Variants in LIMCH1 observed in about 807,000 individuals in gnomAD.
LIMCH1 encodes LIM and calponin homology domains-containing protein 1.
Under a neutral mutation model 176.5 loss-of-function variants are expected in LIMCH1, and 113 were observed. The observed-to-expected ratio is 0.64, with a 90% CI of 0.55 to 0.75. The LOEUF (loss-of-function observed/expected upper bound fraction) is 0.75, where lower values mean the gene tolerates loss of function less well. LIMCH1 is among the 30% of genes least tolerant of loss of function. The pLI is 0.00. For synonymous variants in LIMCH1, 619 were observed against 645.9 expected (o/e 0.96, Z 0.63); for missense variants, 1,674 against 1,814.9 (o/e 0.92, Z 1.41).
chr4:41,388,816 T>TATTTTTATATATA (rs1293475298), intron 1 of LIMCH1, among the ~76,000 whole-genome samples: 1 of 152,166 alleles, frequency 6.6e-6, no homozygotes, highest in Non-Finnish European at 1.5e-5. Flanking sequence ...CTAATTTTTA[T>TATTTTTATATATA]ATTTTTAATA....
At chr4:41,533,243 T>G (rs1263530569), upstream of LIMCH1, among the ~76,000 whole-genome samples, 1 of 152,162 alleles carries the variant, frequency 6.6e-6, no homozygotes, top group Non-Finnish European at 1.5e-5. Flanking sequence ...ATCTCTGAAG[T>G]GATGTTTTGT....
intron 1 of LIMCH1, among the ~76,000 whole-genome samples, chr4:41,420,906 G>A (rs1259515444): frequency 6.6e-6 from 1 of 152,206 alleles, no homozygotes; most frequent in Non-Finnish European, 1.5e-5. Flanking sequence ...CTTCTTACTA[G>A]TTGGTAATTG....
intron 1 of LIMCH1, among the ~76,000 whole-genome samples, chr4:41,375,696 G>A (rs943088296): frequency 8.5e-5 from 13 of 152,240 alleles, no homozygotes; most frequent in African/African-American, 3.1e-4. Flanking sequence ...CCCCAGGCAT[G>A]TGGGGCTTTT....
At chr4:41,665,729 A>G (rs1256108525) in intron 20 of LIMCH1, among the ~76,000 whole-genome samples, 1 of 152,188 alleles carries the variant, frequency 6.6e-6, no homozygotes, top group Non-Finnish European at 1.5e-5. Flanking sequence ...GTGTCAACCA[A>G]TGCTTATTTT....
intron 1 of LIMCH1, among the ~76,000 whole-genome samples, chr4:41,564,042 C>T (rs2082397218): frequency 6.6e-6 from 1 of 152,074 alleles, no homozygotes; most frequent in Non-Finnish European, 1.5e-5. Flanking sequence ...AGTGACTTAC[C>T]CTAGGCTCAT....
At chr4:41,543,857 A>G (rs979906935) in intron 1 of LIMCH1, among the ~76,000 whole-genome samples, 1 of 152,124 alleles carries the variant, frequency 6.6e-6, no homozygotes, top group African/African-American at 2.4e-5. Flanking sequence ...TAAGTGAACG[A>G]TTGTTTCACC....
intron 1 of LIMCH1, among the ~76,000 whole-genome samples, chr4:41,406,886 T>A (rs1452973061): frequency 2.0e-5 from 3 of 152,198 alleles, no homozygotes; most frequent in African/African-American, 7.2e-5. Context: ...TCTTCCAGAA[T>A]TACCATGCTT....
chr4:41,579,869 C>A (rs914707565), intron 1 of LIMCH1, among the ~76,000 whole-genome samples: 2 of 152,160 alleles, frequency 1.3e-5, no homozygotes, highest in African/African-American at 4.8e-5. Context: ...CCTGACAAGA[C>A]CCAGTCTCCA....
Position 41,593,488 on chromosome 4 carries a change from T to A in LIMCH1, c.-240-5432T>A, listed in dbSNP as rs78260020. Among the ~76,000 whole-genome samples, 949 of 152,340 alleles carry A rather than the reference T, an allele frequency of 6.2e-3. 13 individuals carry two copies. Among genetic ancestry groups the A allele is most frequent in the African/African-American group, 0.022 (903 of 41,568 alleles). On this transcript the variant is annotated intron_variant, in intron 1 of 31. Coordinates refer to ENST00000503057, the MANE Select transcript of LIMCH1 (RefSeq NM_001330672.2). ...TCTCAGAGGTGACAACCATTTTTCC[T>A]TGAATTTTGTGGAATAGATTTTTAC...
intron 1 of LIMCH1, among the ~76,000 whole-genome samples, chr4:41,576,304 T>G (rs1431335774): frequency 7.0e-6 from 1 of 143,732 alleles, no homozygotes; most frequent in Admixed American, 6.7e-5. Context: ...CAAAAGTAAC[T>G]TATTGTTTTA....
chr4:41,488,512 A>G (rs935318128), intron 1 of LIMCH1, among the ~76,000 whole-genome samples: 1 of 152,236 alleles, frequency 6.6e-6, no homozygotes, highest in Non-Finnish European at 1.5e-5. Flanking sequence ...ATGAGAGGAT[A>G]CTAACAAAAT....
chr4:41,612,737 T>A, intron 4 of LIMCH1: 1 of 678,758 alleles, frequency 1.5e-6, no homozygotes, highest in Non-Finnish European at 2.6e-6. Context: ...AACATGTGGG[T>A]CAGCCACAAG....
chr4:41,523,728 T>C (rs1001556956), intron 2 of LIMCH1, among the ~76,000 whole-genome samples: 2 of 152,248 alleles, frequency 1.3e-5, no homozygotes, highest in African/African-American at 2.4e-5. Context: ...CAGGCAATGA[T>C]AGTTGTTTCT....
intron 8 of LIMCH1, among the ~76,000 whole-genome samples, chr4:41,627,412 T>A (rs2093038889): frequency 6.6e-6 from 1 of 152,102 alleles, no homozygotes; most frequent in Admixed American, 6.5e-5. Context: ...TCTAGTCCAT[T>A]CAAAGGAAGC....
Position 41,650,485 on chromosome 4 carries a change from A to T in LIMCH1, c.2913A>T (p.Leu971Phe), listed in dbSNP as rs761654568. The T allele has an allele frequency of 6.2e-7, 1 of 1,614,102 alleles. No homozygotes were observed. The highest frequency in any genetic ancestry group is 2.2e-5 in the East Asian group (1 of 44,876). Residue 971 changes from leucine (L) to phenylalanine (F), a missense_variant, in exon 18 of 32, where the codon TTA becomes TTT. Leu to Phe is a conservative substitution (Grantham distance 22). This residue lies in a region of LIMCH1 where 1,015 missense variants were observed against 1,102.5 expected (regional missense o/e 0.92). Transcript: ENST00000503057. Reference sequence around the variant, plus strand: ...CCACGGTGGCACCTGCCCACTCCTTAACCAAATCCCAGATGTTTGAAGGTG... The same window carrying T: ...CCACGGTGGCACCTGCCCACTCCTTTACCAAATCCCAGATGTTTGAAGGTG... Reference protein sequence around the residue: ...ECPTVAPAHSLTKSQMFEGVA... With the variant: ...ECPTVAPAHSFTKSQMFEGVA...
In LIMCH1 at chr4:41,631,367, A is replaced by G; in HGVS notation, c.1491A>G (p.Glu497=). 1.3e-6 allele frequency: 2 copies of G among 1,536,302 alleles called. No individual in the cohort carries two copies. The highest frequency in any genetic ancestry group is 8.7e-7 in the Non-Finnish European group (1 of 1,146,948). ...AGGCTGGGCCTAGAGAGGATGAAGAAGAAGTCATCTGTCATGGCAGCAAGA... is the reference window on the plus strand; with the variant it reads ...AGGCTGGGCCTAGAGAGGATGAAGAGGAAGTCATCTGTCATGGCAGCAAGA... The part of the protein sequence containing the change: ...IGKAGPREDE[E]EVICHGSKIQ... Residue 497 remains glutamate, a synonymous_variant, in exon 10 of 32, where the codon GAA becomes GAG. Coordinates refer to ENST00000503057, the MANE Select transcript of LIMCH1 (RefSeq NM_001330672.2).
At chr4:41,426,056 C>G (rs1312411372) in intron 1 of LIMCH1, among the ~76,000 whole-genome samples, 1 of 131,246 alleles carries the variant, frequency 7.6e-6, no homozygotes, top group Non-Finnish European at 1.6e-5. Context: ...GAGTCTCGCT[C>G]TGTCGCCCAG....
At chr4:41,502,906 A>G (rs1269455422) in intron 2 of LIMCH1, among the ~76,000 whole-genome samples, 1 of 125,680 alleles carries the variant, frequency 8.0e-6, no homozygotes, top group Non-Finnish European at 1.6e-5. Flanking sequence ...ACGGAGGTAA[A>G]TCACACACAC....
Position 41,662,865 on chromosome 4 carries a change from G to T in LIMCH1, c.3172G>T (p.Val1058Leu), listed in dbSNP as rs149169453. 1.2e-6 allele frequency: 2 copies of T among 1,614,048 alleles called. No homozygotes were observed. Among genetic ancestry groups the T allele is most frequent in the East Asian group, 4.5e-5 (2 of 44,880 alleles). ...AACTGTGACTCGATGCAGCCCGACC[G>T]TGGCCTTTGTGGAATTTCCCTCCAG... ...TTTVTRCSPT[V>L]AFVEFPSSPQ... Residue 1058 changes from valine to leucine, a missense_variant, in exon 20 of 32, where the codon GTG (valine) becomes TTG (leucine). Coordinates refer to ENST00000503057, the MANE Select transcript of LIMCH1 (RefSeq NM_001330672.2).
Sources: gnomAD v4.1 joint callset for allele counts (sites outside exome capture counted in the v4.1 genomes callset) on GRCh38, gnomAD v4.1.1 for gene constraint, gnomAD v4.1.1 regional missense constraint, MANE v1.5 for transcripts, NCBI Gene and HGNC (gene_info 2026-07-23, HGNC 2026-07-21) for gene names.